Variants in ARK2C observed in about 807,000 individuals in gnomAD.
The protein encoded by ARK2C is E3 ubiquitin-protein ligase ARK2C.
chr18:46,428,165 C>G, the ARK2C span, among the ~76,000 whole-genome samples: 1 of 151,818 alleles, frequency 6.6e-6, no homozygotes, highest in Non-Finnish European at 1.5e-5. Flanking sequence ...AATCCCAGCA[C>G]GTTGGGAGGC....
chr18:46,397,575 T>G, the ARK2C span, among the ~76,000 whole-genome samples: 105 of 65,158 alleles, frequency 1.6e-3, no homozygotes, highest in African/African-American at 7.9e-3. Context: ...TGTGTGTGTG[T>G]GGTCATGCTG....
At chr18:46,334,798 TATGTGTGTTTTG>T in the ARK2C span, 1 of 201,928 alleles carries the variant, frequency 5.0e-6, no homozygotes, top group Non-Finnish European at 9.1e-6. This position sits in a 1 kb window ranked among gnomAD's most constrained non-coding sequence, Gnocchi z 4.4. Context: ...TGTTTTGTGT[TATGTGTGTTTTG>T]TATTCATTTT....
At chr18:46,334,270 C>T in the ARK2C span, 2 of 1,527,716 alleles carry the variant, frequency 1.3e-6, no homozygotes, top group Non-Finnish European at 1.7e-6. The surrounding 1 kb of genome is among the most constrained non-coding windows in gnomAD (Gnocchi z 4.4). Flanking sequence ...GCGCGAGGAG[C>T]CAGGATGGTC....
the ARK2C span, among the ~76,000 whole-genome samples, chr18:46,368,619 C>T: frequency 0.3 from 46,381 of 152,100 alleles, 10,034 homozygotes; most frequent in African/African-American, 0.6. Context: ...TCTATGGAGT[C>T]GAGTCTTAAT....
At chr18:46,450,478 T>C in the ARK2C span, 2 of 1,088,442 alleles carry the variant, frequency 1.8e-6, no homozygotes, top group Non-Finnish European at 2.8e-6. Context: ...TCCCCACCTC[T>C]GCTGGTGAGT....
chr18:46,336,619 C>T, the ARK2C span: 4 of 985,280 alleles, frequency 4.1e-6, no homozygotes, highest in African/African-American at 7.0e-5. Flanking sequence ...TAAATCTGTT[C>T]TTTTTAGTTT....
At chr18:46,400,032 C>T in the ARK2C span, among the ~76,000 whole-genome samples, 1 of 152,176 alleles carries the variant, frequency 6.6e-6, no homozygotes, top group African/African-American at 2.4e-5. Flanking sequence ...AGCCTCTGGG[C>T]CCCTGGGGTG....
chr18:46,338,862 GCTGA>G, the ARK2C span, among the ~76,000 whole-genome samples: 1 of 152,178 alleles, frequency 6.6e-6, no homozygotes, highest in Non-Finnish European at 1.5e-5. Context: ...GCTCCCCTGG[GCTGA>G]CTGACTCCCC....
At chr18:46,402,602 G>C in the ARK2C span, among the ~76,000 whole-genome samples, 1 of 152,082 alleles carries the variant, frequency 6.6e-6, no homozygotes, top group South Asian at 2.1e-4. Context: ...CCAGGCTTAA[G>C]TGATCCTCCC....
chr18:46,334,596 AC>A, the ARK2C span: 1 of 474,852 alleles, frequency 2.1e-6, no homozygotes, highest in South Asian at 3.3e-5. The surrounding 1 kb of genome is among the most constrained non-coding windows in gnomAD (Gnocchi z 4.4). Flanking sequence ...TTTGCGGCGG[AC>A]GTGGTTCCCC....
chr18:46,447,468 T>G, the ARK2C span: 1 of 1,413,644 alleles, frequency 7.1e-7, no homozygotes, highest in Non-Finnish European at 9.9e-7. Flanking sequence ...AGGGTGTCAC[T>G]CCAATTCTAC....
the ARK2C span, among the ~76,000 whole-genome samples, chr18:46,399,676 G>A: frequency 3.3e-5 from 5 of 152,120 alleles, no homozygotes; most frequent in African/African-American, 1.2e-4. Context: ...AGGAGCAGTA[G>A]ACTATAGCAA....
the ARK2C span, among the ~76,000 whole-genome samples, chr18:46,364,903 T>C: frequency 6.6e-6 from 1 of 152,114 alleles, no homozygotes; most frequent in Non-Finnish European, 1.5e-5. Context: ...AACTTCAGGG[T>C]AGAAAACAGC....
chr18:46,462,797 C>T, the ARK2C span: 4 of 152,450 alleles, frequency 2.6e-5, no homozygotes, highest in Non-Finnish European at 5.9e-5. Flanking sequence ...CCCACTCCAC[C>T]CCTGGCCTCG....
At chr18:46,381,601 C>T in the ARK2C span, among the ~76,000 whole-genome samples, 432 of 152,174 alleles carry the variant, frequency 2.8e-3, 2 homozygotes, top group African/African-American at 9.8e-3. Context: ...GAGGCTGAGG[C>T]GGGAGGATTG....
At chr18:46,380,332 C>T in the ARK2C span, among the ~76,000 whole-genome samples, 1 of 152,170 alleles carries the variant, frequency 6.6e-6, no homozygotes, top group African/African-American at 2.4e-5. Context: ...TTTCCTCTGG[C>T]GACTTGGGGA....
At chr18:46,406,874 C>T in the ARK2C span, among the ~76,000 whole-genome samples, 2 of 152,202 alleles carry the variant, frequency 1.3e-5, no homozygotes, top group Non-Finnish European at 2.9e-5. Flanking sequence ...GCTCTGGCCC[C>T]TCTAGCCCAG....
chr18:46,421,627 AG>A, the ARK2C span, among the ~76,000 whole-genome samples: 1 of 152,158 alleles, frequency 6.6e-6, no homozygotes, highest in Non-Finnish European at 1.5e-5. Flanking sequence ...TTATGCACAG[AG>A]GTTTTCTTCT....
chr18:46,390,813 C>T, the ARK2C span, among the ~76,000 whole-genome samples: 1 of 152,108 alleles, frequency 6.6e-6, no homozygotes, highest in Non-Finnish European at 1.5e-5. Flanking sequence ...GTGCTTCATT[C>T]TCTTGTCTGT....
Sources: gnomAD v4.1 joint callset for allele counts (sites outside exome capture counted in the v4.1 genomes callset) on GRCh38, gnomAD v4.1.1 for gene constraint, Gnocchi (gnomAD v3.1) non-coding constraint, MANE v1.5 for transcripts, NCBI Gene and HGNC (gene_info 2026-07-23, HGNC 2026-07-21) for gene names.